Variants in DYSF observed in about 807,000 individuals in gnomAD.
The protein encoded by DYSF is dystrophy-associated fer-1-like 1.
In DYSF, 212 loss-of-function variants were observed where a neutral mutation model predicts 274.9. The observed-to-expected ratio is 0.77, with a 90% CI of 0.69 to 0.86. DYSF has a LOEUF of 0.86. Among genes scored for constraint, DYSF ranks in the 40% least tolerant of loss-of-function variants. The pLI is 0.00. For missense variants in DYSF, 2,666 were observed against 2,783.2 expected, an observed-to-expected ratio of 0.96 and a Z score of 0.95; for synonymous variants, 1,091 against 1,078.7, an observed-to-expected ratio of 1.01 and a Z score of -0.22.
At chr2:71,541,290 T>C (rs1459369859) in intron 17 of DYSF, among the ~76,000 whole-genome samples, 1 of 152,228 alleles carries the variant, frequency 6.6e-6, no homozygotes, top group Non-Finnish European at 1.5e-5. Flanking sequence ...GTAATAGCTC[T>C]TTAAAAACTT....
chr2:71,570,441 G>C, intron 28 of DYSF, 107 bp downstream of exon 28: 1 of 1,428,306 alleles, frequency 7.0e-7, no homozygotes, highest in Non-Finnish European at 9.7e-7. Context: ...TTTCACCCAG[G>C]GACGCTTCTT....
At position 71,624,113 on chromosome 2, in the gene DYSF, A is replaced by G. The variant is rs138905299; in HGVS notation, c.4527+3504A>G. ...ACACAAAAGCCTTAAATTAGTTTTC[A>G]TAGATACAATGCCCTTCCTTTTTAT... On this transcript the variant is annotated intron_variant, in intron 41 of 55. Transcript: ENST00000410020. Among the ~76,000 whole-genome samples the G allele has an allele frequency of 3.9e-3, 599 of 152,336 alleles. 2 individuals carry two copies. Among genetic ancestry groups the G allele is most frequent in the African/African-American group, 0.014 (582 of 41,582 alleles).
At chr2:71,478,477 C>G (rs2082595107) in intron 1 of DYSF, among the ~76,000 whole-genome samples, 1 of 152,122 alleles carries the variant, frequency 6.6e-6, no homozygotes, top group Admixed American at 6.5e-5. Flanking sequence ...TCCCAGAGTG[C>G]TGGGATTACA....
Position 71,601,512 on chromosome 2 carries a change from A to G in DYSF, c.3911A>G (p.His1304Arg), listed in dbSNP as rs1558586632. The G allele has an allele frequency of 7.4e-6, 12 of 1,614,052 alleles. No homozygotes were observed. The highest frequency in any genetic ancestry group is 1.0e-5 in the Non-Finnish European group (12 of 1,180,036). The change falls in exon 35 of 56, where the codon CAT becomes CGT. Residue 1304 changes from histidine (H) to arginine (R), a missense_variant. Physicochemically the swap from His to Arg is conservative, Grantham distance 29. Coordinates refer to ENST00000410020, the MANE Select transcript of DYSF (RefSeq NM_001130987.2). ...LIQREKPAIH[H>R]IPGFEVQETS... ...TCTTCACTCCAGCCGGCCATCCACC[A>G]TATTCCTGGTTTTGAGGTAAGTCTT... is the stretch of plus-strand genomic sequence containing the variant.
intron 48 of DYSF, among the ~76,000 whole-genome samples, chr2:71,668,204 T>G (rs1372510955): frequency 1.3e-5 from 2 of 152,190 alleles, no homozygotes; most frequent in Non-Finnish European, 1.5e-5. Flanking sequence ...TCTCTCCACC[T>G]AGGTGGTTTG....
chr2:71,512,045 G>A (rs2086153006), intron 5 of DYSF, 124 bp downstream of exon 5: 1 of 705,052 alleles, frequency 1.4e-6, no homozygotes, highest in African/African-American at 1.8e-5. Flanking sequence ...GTTGGAGGCT[G>A]CCCAGGCCTG....
chr2:71,571,077 TTACACCCA>T (rs2092400991), intron 29 of DYSF, among the ~76,000 whole-genome samples: 1 of 103,670 alleles, frequency 9.6e-6, no homozygotes, highest in African/African-American at 4.5e-5. Context: ...AGCACACAGA[TTACACCCA>T]GCACACACAC....
intron 14 of DYSF, among the ~76,000 whole-genome samples, chr2:71,532,566 A>G (rs898375370): frequency 6.6e-6 from 1 of 152,180 alleles, no homozygotes; most frequent in African/African-American, 2.4e-5. Context: ...GGTGTGGCAG[A>G]TGGACCAGCT....
intron 29 of DYSF, among the ~76,000 whole-genome samples, chr2:71,572,994 G>GTCAGCACACACA: frequency 1.3e-5 from 2 of 152,312 alleles, no homozygotes; most frequent in Non-Finnish European, 1.5e-5. Context: ...ACTTGCTCCG[G>GTCAGCACACACA]GGTCACACAG....
intron 41 of DYSF, among the ~76,000 whole-genome samples, chr2:71,641,224 G>A (rs1289379980): frequency 2.1e-5 from 3 of 144,000 alleles, no homozygotes; most frequent in Non-Finnish European, 4.5e-5. Flanking sequence ...TGTGGCCCAG[G>A]TGGGAGTGCA....
At chr2:71,628,453 G>T (rs2094250778) in intron 41 of DYSF, among the ~76,000 whole-genome samples, 1 of 149,698 alleles carries the variant, frequency 6.7e-6, no homozygotes, top group Non-Finnish European at 1.5e-5. Flanking sequence ...TTTTCCTGAA[G>T]TAGGGCCTAT....
At chr2:71,618,456 T>TGTGTGTGGTAGAGGG (rs772644653) in intron 40 of DYSF, among the ~76,000 whole-genome samples, 53 of 77,116 alleles carry the variant, frequency 6.9e-4, no homozygotes, top group Admixed American at 1.9e-3. Context: ...AGAGGTGGGG[T>TGTGTGTGGTAGAGGG]TGTGTGTGTG....
At chr2:71,535,635 C>G (rs1397088114) in intron 16 of DYSF, among the ~76,000 whole-genome samples, 1 of 152,040 alleles carries the variant, frequency 6.6e-6, no homozygotes, top group Admixed American at 6.6e-5. Flanking sequence ...TGAGGACATT[C>G]CAGTGAGGAG....
At chr2:71,546,162 C>T (rs1458887733) in intron 17 of DYSF, among the ~76,000 whole-genome samples, 1 of 152,248 alleles carries the variant, frequency 6.6e-6, no homozygotes, top group Admixed American at 6.5e-5. Flanking sequence ...CGGGCCCTTG[C>T]CTTGCTCGGG....
rs765328172 is a variant in DYSF, at chr2:71,658,978, T to C, written c.4856T>C (p.Val1619Ala). Residue 1619 changes from valine (V) to alanine (A), a missense_variant, in exon 44 of 56, where the codon GTC becomes GCC. This residue lies in a region of DYSF where 1,460 missense variants were observed against 1,502.1 expected (regional missense o/e 0.97). Transcript: ENST00000410020. ...LAAQGPQECL[V>A]RIYIVRAFGL... The stretch of plus-strand genomic sequence containing the variant: ...GCCCAGGGACCCCAGGAGTGCTTGG[T>C]CCGTATCTACATTGTCCGAGCATTT... 3 of 1,614,038 alleles carry C rather than the reference T, an allele frequency of 1.9e-6. No homozygotes were observed. Among genetic ancestry groups the C allele is most frequent in the Non-Finnish European group, 2.5e-6 (3 of 1,179,988 alleles).
At chr2:71,643,748 G>A (rs749453611) in intron 41 of DYSF, among the ~76,000 whole-genome samples, 38 of 152,164 alleles carry the variant, frequency 2.5e-4, no homozygotes, top group Non-Finnish European at 4.4e-4. Flanking sequence ...TAGAGCCTCC[G>A]CCTCTCAACA....
exon 1 of DYSF, chr2:71,454,060 A>G: frequency 6.2e-7 from 1 of 1,614,114 alleles, no homozygotes; most frequent in Non-Finnish European, 8.5e-7. Context: ...GACATCAGCG[A>G]TGCCTACTGC....
chr2:71,516,026 C>A (rs1053227251), intron 8 of DYSF, among the ~76,000 whole-genome samples, 154 bp from the exon 9 acceptor site: 11 of 152,192 alleles, frequency 7.2e-5, no homozygotes, highest in African/African-American at 2.4e-4. Context: ...CAGATCACCC[C>A]AGAACTTGTC....
intron 41 of DYSF, among the ~76,000 whole-genome samples, chr2:71,629,594 A>G (rs1223777906): frequency 6.6e-6 from 1 of 152,246 alleles, no homozygotes; most frequent in Non-Finnish European, 1.5e-5. Flanking sequence ...TGGAGACACT[A>G]TAAACACAGA....
Sources: allele counts gnomAD v4.1 joint callset (sites outside exome capture counted in the v4.1 genomes callset), GRCh38; gene constraint gnomAD v4.1.1; regional missense constraint gnomAD v4.1.1; transcripts MANE v1.5; gene names NCBI Gene and HGNC (gene_info 2026-07-23, HGNC 2026-07-21).